The following IKZF2 variants were observed in gnomAD, a reference collection of about 807,000 sequenced individuals.
The protein encoded by IKZF2 is zinc finger protein Helios.
In IKZF2, 15 loss-of-function variants were observed where a neutral mutation model predicts 49.2. The observed-to-expected ratio is 0.30, with a 90% CI of 0.20 to 0.47. IKZF2 has a LOEUF of 0.47. IKZF2 is among the 20% of genes least tolerant of loss of function. The probability of loss-of-function intolerance (pLI) is 1.00; values close to 1 mark genes in which losing one functional copy is unlikely to be tolerated. For synonymous variants in IKZF2, 227 were observed against 221.4 expected (o/e 1.03, Z -0.23); for missense variants, 567 against 664.6 (o/e 0.85, Z 1.61).
intron 4 of IKZF2, among the ~76,000 whole-genome samples, chr2:213,116,419 T>C (rs1305563083): frequency 1.3e-5 from 2 of 152,188 alleles, no homozygotes; most frequent in Non-Finnish European, 1.5e-5. Flanking sequence ...CAATGCCTAA[T>C]ACACAGTAAA....
rs531273936 is a variant in IKZF2, at chr2:213,050,165, G to A, written c.407-285C>T. On this transcript the variant is annotated intron_variant, in intron 5 of 8. Coordinates refer to ENST00000434687, the MANE Select transcript of IKZF2 (RefSeq NM_001387220.1). ...GCATTTATCATTGGTTGAACAATGAGGTGCTGTCACTTTAGGGCCTTACAC... is the reference window on the plus strand; with the variant it reads ...GCATTTATCATTGGTTGAACAATGAAGTGCTGTCACTTTAGGGCCTTACAC... Among the ~76,000 whole-genome samples the A allele has an allele frequency of 2.6e-4, 39 of 152,202 alleles. No homozygotes were observed. In the South Asian group the frequency reaches 4.4e-3, roughly 17 times the overall value.
At chr2:213,133,574 T>TA (rs1265883135) in intron 4 of IKZF2, among the ~76,000 whole-genome samples, 2 of 151,696 alleles carry the variant, frequency 1.3e-5, no homozygotes, top group Non-Finnish European at 2.9e-5. Context: ...CTACTAAAAA[T>TA]ACAAAAATTT....
At chr2:213,065,448 C>T (rs981202207) in intron 4 of IKZF2, among the ~76,000 whole-genome samples, 1 of 151,952 alleles carries the variant, frequency 6.6e-6, no homozygotes, top group Non-Finnish European at 1.5e-5. Context: ...TGCTGATTTA[C>T]GTATGATATT....
intron 4 of IKZF2, among the ~76,000 whole-genome samples, chr2:213,115,584 G>A (rs1190214860): frequency 6.6e-6 from 1 of 152,142 alleles, no homozygotes; most frequent in African/African-American, 2.4e-5. Context: ...TATAATCAGA[G>A]ACTGATGTTC....
At chr2:213,143,116 A>G (rs2060929224) in intron 4 of IKZF2, among the ~76,000 whole-genome samples, 1 of 152,064 alleles carries the variant, frequency 6.6e-6, no homozygotes, top group Non-Finnish European at 1.5e-5. Context: ...TATGATAAAA[A>G]TATGTAAATA....
At chr2:213,062,884 A>C (rs1312738628) in intron 4 of IKZF2, among the ~76,000 whole-genome samples, 3 of 151,998 alleles carry the variant, frequency 2.0e-5, no homozygotes, top group Non-Finnish European at 4.4e-5. Context: ...CTGTTTAAAT[A>C]ATGTGTTAGG....
chr2:213,080,179 G>GAGATAGATAGAT (rs6147162), intron 4 of IKZF2, among the ~76,000 whole-genome samples: 1,975 of 97,196 alleles, frequency 0.02, 34 homozygotes, highest in South Asian at 0.093. Flanking sequence ...AATCTATATA[G>GAGATAGATAGAT]AGATAGATAG....
At chr2:213,040,333 C>T (rs532821317) in intron 6 of IKZF2, among the ~76,000 whole-genome samples, 1 of 151,632 alleles carries the variant, frequency 6.6e-6, no homozygotes, top group South Asian at 2.1e-4. Context: ...CTCCTTCGTC[C>T]CACCCTCTAC....
At chr2:213,108,052 T>G (rs12694295) in intron 4 of IKZF2, among the ~76,000 whole-genome samples, 133,973 of 152,102 alleles carry the variant, frequency 0.88, 59,205 homozygotes, top group African/African-American at 0.91. Flanking sequence ...AATGTAAACT[T>G]GGGAAAAAAA....
chr2:213,036,689 A>G (rs1699064015), intron 6 of IKZF2, among the ~76,000 whole-genome samples: 1 of 152,148 alleles, frequency 6.6e-6, no homozygotes, highest in South Asian at 2.1e-4. Context: ...CCACTCTGAT[A>G]GATTTCTGAT....
At chr2:213,125,224 A>G (rs11883729) in intron 4 of IKZF2, among the ~76,000 whole-genome samples, 13,072 of 152,224 alleles carry the variant, frequency 0.086, 1,105 homozygotes, top group African/African-American at 0.22. Flanking sequence ...CAAATCATCC[A>G]TTCCCTGCCA....
chr2:213,015,559 T>C (rs1300404967), intron 7 of IKZF2, among the ~76,000 whole-genome samples: 3 of 151,926 alleles, frequency 2.0e-5, no homozygotes, highest in Non-Finnish European at 4.4e-5. Flanking sequence ...CCAATTCACG[T>C]AAGGGGAGTC....
At chr2:213,080,179 GAGATAGATAGAT>G (rs6147162) in intron 4 of IKZF2, among the ~76,000 whole-genome samples, 1 of 97,096 alleles carries the variant, frequency 1.0e-5, no homozygotes, top group Non-Finnish European at 2.9e-5. Context: ...AATCTATATA[GAGATAGATAGAT>G]AGATAGATAG....
intron 4 of IKZF2, among the ~76,000 whole-genome samples, chr2:213,136,649 G>A (rs536110158): frequency 1.3e-5 from 2 of 151,950 alleles, no homozygotes; most frequent in African/African-American, 2.4e-5. Flanking sequence ...TTAGAGGATG[G>A]TTGACTGAAT....
intron 4 of IKZF2, among the ~76,000 whole-genome samples, chr2:213,064,870 T>A (rs572825884): frequency 6.6e-6 from 1 of 152,182 alleles, no homozygotes; most frequent in South Asian, 2.1e-4. Context: ...CTCCCCCAAT[T>A]CATCTATATT....
In IKZF2 at chr2:213,001,198, T is replaced by G. The variant is rs1694873210; in HGVS notation, c.*6162A>C. The G allele has an allele frequency of 6.6e-6, 1 of 151,978 alleles. No individual in the cohort carries two copies. The highest frequency in any genetic ancestry group is 2.1e-4 in the South Asian group (1 of 4,834). 9.4% of individuals were successfully genotyped at this position (151,978 alleles called of 1,614,324 possible). On this transcript the variant is annotated 3_prime_UTR_variant, in exon 9 of 9. Coordinates refer to ENST00000434687, the MANE Select transcript of IKZF2 (RefSeq NM_001387220.1). ...CTGGGATTGCAAATAACACATGGTCTAAAAGGTCCAACTATTAACAGCAAA... is the reference window on the plus strand; with the variant it reads ...CTGGGATTGCAAATAACACATGGTCGAAAAGGTCCAACTATTAACAGCAAA...
intron 6 of IKZF2, among the ~76,000 whole-genome samples, chr2:213,046,790 C>T (rs1700191794): frequency 6.6e-6 from 1 of 151,976 alleles, no homozygotes; most frequent in African/African-American, 2.4e-5. Context: ...GTAGTGAAGG[C>T]TGTTAGTAAT....
chr2:213,076,718 G>C (rs538515335), intron 4 of IKZF2, among the ~76,000 whole-genome samples: 19 of 152,212 alleles, frequency 1.2e-4, no homozygotes, highest in Admixed American at 9.8e-4. Context: ...TTTAAAAGAA[G>C]CTTGAGAGAT....
chr2:213,071,032 T>A (rs1050241055), intron 4 of IKZF2, among the ~76,000 whole-genome samples: 21 of 152,230 alleles, frequency 1.4e-4, no homozygotes, highest in African/African-American at 4.6e-4. Context: ...ATCTTTCCAA[T>A]AAGTATTAGT....
Sources: gnomAD v4.1 joint callset for allele counts (sites outside exome capture counted in the v4.1 genomes callset) on GRCh38, gnomAD v4.1.1 for gene constraint, MANE v1.5 for transcripts, NCBI Gene and HGNC (gene_info 2026-07-23, HGNC 2026-07-21) for gene names.